Variants in C10orf67 observed in about 807,000 individuals in gnomAD.
C10orf67 encodes the protein uncharacterized protein C10orf67, mitochondrial.
A neutral mutation model predicts 35.6 loss-of-function variants in C10orf67; 60 were observed. The observed-to-expected ratio is 1.68, with a 90% CI of 1.37 to 2.09. C10orf67 has a LOEUF of 2.09. Among genes scored for constraint, C10orf67 ranks in the 30% most tolerant of loss-of-function variants. C10orf67 has a pLI of 0.00. For missense variants in C10orf67, 474 were observed against 330.2 expected (o/e 1.44, Z -3.38); for synonymous variants, 167 against 115.8 (o/e 1.44, Z -2.84).
chr10:23,288,983 A>G (rs892721982), intron 7 of C10orf67, among the ~76,000 whole-genome samples: 3 of 152,182 alleles, frequency 2.0e-5, no homozygotes, highest in Admixed American at 1.3e-4. Context: ...TGGAGCCTCC[A>G]GTAGGGCAGG....
chr10:23,314,514 A>G (rs1844622810), intron 4 of C10orf67, among the ~76,000 whole-genome samples: 1 of 151,632 alleles, frequency 6.6e-6, no homozygotes, highest in Non-Finnish European at 1.5e-5. Context: ...ACACACACAC[A>G]CACACACACA....
chr10:23,314,151 G>A (rs1451428885), intron 4 of C10orf67, among the ~76,000 whole-genome samples: 1 of 151,980 alleles, frequency 6.6e-6, no homozygotes, highest in African/African-American at 2.4e-5. Context: ...CGGTGCCACT[G>A]CACTCCAGCC....
At chr10:23,210,313 AAG>A (rs1425752571) in intron 15 of C10orf67, among the ~76,000 whole-genome samples, 1 of 152,148 alleles carries the variant, frequency 6.6e-6, no homozygotes, top group African/African-American at 2.4e-5. Flanking sequence ...ATGTTTATGG[AAG>A]AGAGTACTGG....
intron 1 of C10orf67, among the ~76,000 whole-genome samples, chr10:23,338,509 A>C (rs576234844): frequency 2.6e-5 from 4 of 152,106 alleles, no homozygotes; most frequent in Non-Finnish European, 2.9e-5. Context: ...CCCTGACTAT[A>C]CTGCACTGGC....
At chr10:23,289,866 AAG>A in intron 7 of C10orf67, 32 bp downstream of exon 7, 1 of 713,556 alleles carries the variant, frequency 1.4e-6, no homozygotes, top group African/African-American at 1.7e-5. Context: ...TTCCATTTAA[AAG>A]AGTCATTTAT....
rs150598444 is a variant in C10orf67 at position 23,280,318 on chromosome 10, G to C, written c.975+1695C>G. Among the ~76,000 whole-genome samples, 34 of 152,262 alleles carry C rather than the reference G, an allele frequency of 2.2e-4. 1 individual carries two copies. In the East Asian group the frequency reaches 3.1e-3, roughly 14 times the overall value. On this transcript the variant is annotated intron_variant, in intron 8 of 15. Transcript: ENST00000636213. ...TTTACATTTTTACAAAACGACTGTG[G>C]TCAACTCCACCTTCTCCCACTCTCC...
intron 13 of C10orf67, among the ~76,000 whole-genome samples, chr10:23,230,439 C>A (rs989124693): frequency 2.0e-5 from 3 of 151,460 alleles, no homozygotes; most frequent in African/African-American, 4.9e-5. Context: ...AATGTAAAGA[C>A]AAAAAGGAAA....
intron 4 of C10orf67, among the ~76,000 whole-genome samples, chr10:23,307,904 G>A (rs933036645): frequency 2.0e-5 from 3 of 152,032 alleles, no homozygotes; most frequent in Non-Finnish European, 4.4e-5. Flanking sequence ...CAGAGCCACC[G>A]CTCCTGGCCT....
intron 10 of C10orf67, among the ~76,000 whole-genome samples, chr10:23,265,951 G>A (rs1353955460): frequency 6.6e-6 from 1 of 152,218 alleles, no homozygotes; most frequent in Non-Finnish European, 1.5e-5. Context: ...GCAGTAATGA[G>A]TTTGAGACTG....
chr10:23,259,343 C>A (rs1246131216), intron 10 of C10orf67, among the ~76,000 whole-genome samples: 2 of 152,130 alleles, frequency 1.3e-5, no homozygotes, highest in Non-Finnish European at 2.9e-5. Context: ...GAGTTGATAA[C>A]CCTAGTGCTA....
In C10orf67 at chr10:23,300,390, G is replaced by A. The variant is rs143808563; in HGVS notation, c.702+2914C>T. Among the ~76,000 whole-genome samples, 425 of 152,056 alleles carry A rather than the reference G, an allele frequency of 2.8e-3. 3 individuals carry two copies. Among genetic ancestry groups the A allele is most frequent in the African/African-American group, 9.6e-3 (397 of 41,464 alleles). On this transcript the variant is annotated intron_variant, in intron 5 of 15. Coordinates refer to ENST00000636213, the MANE Select transcript of C10orf67 (RefSeq NM_001371909.1). Reference sequence around the variant, plus strand: ...TAAAGCGGTGGCCTTTTTTTATCCCGTTTGTCCCATTCCGCCTGCTCCTCC... The same window carrying A: ...TAAAGCGGTGGCCTTTTTTTATCCCATTTGTCCCATTCCGCCTGCTCCTCC...
chr10:23,233,684 G>A (rs562836748), intron 13 of C10orf67, among the ~76,000 whole-genome samples: 5 of 152,184 alleles, frequency 3.3e-5, no homozygotes, highest in Non-Finnish European at 7.3e-5. Flanking sequence ...AGACTAGAAG[G>A]AAGAGGGGAA....
At chr10:23,276,709 A>G (rs985016559) in intron 8 of C10orf67, among the ~76,000 whole-genome samples, 3 of 152,118 alleles carry the variant, frequency 2.0e-5, no homozygotes, top group Non-Finnish European at 4.4e-5. Flanking sequence ...ATACAACAGC[A>G]CAACACTAGA....
chr10:23,264,632 C>T (rs1333249876), intron 10 of C10orf67, among the ~76,000 whole-genome samples: 1 of 152,170 alleles, frequency 6.6e-6, no homozygotes, highest in Non-Finnish European at 1.5e-5. Context: ...TTTGGAAGCT[C>T]AGCTTCTATC....
chr10:23,339,915 G>T (rs1367854023), intron 1 of C10orf67, among the ~76,000 whole-genome samples: 10 of 152,138 alleles, frequency 6.6e-5, no homozygotes, highest in Admixed American at 4.6e-4. Flanking sequence ...TTTCTGTATA[G>T]TCTACACTGC....
chr10:23,319,556 G>A (rs1844865075), intron 4 of C10orf67, among the ~76,000 whole-genome samples: 1 of 152,190 alleles, frequency 6.6e-6, no homozygotes, highest in South Asian at 2.1e-4. Flanking sequence ...CGGTAGTTCT[G>A]TTTTAATTTC....
chr10:23,286,157 C>G (rs546404990), intron 7 of C10orf67, among the ~76,000 whole-genome samples: 1 of 151,408 alleles, frequency 6.6e-6, no homozygotes, highest in Middle Eastern at 3.4e-3. Context: ...TTTGGGAGGA[C>G]GAGGTGGGAG....
At chr10:23,340,018 C>T (rs1588716385) in intron 1 of C10orf67, among the ~76,000 whole-genome samples, 1 of 152,158 alleles carries the variant, frequency 6.6e-6, no homozygotes, top group Admixed American at 6.5e-5. Flanking sequence ...TTTTACTATT[C>T]AGCCACATTT....
At chr10:23,290,114 G>A (rs574514350) in intron 6 of C10orf67, among the ~76,000 whole-genome samples, 156 bp from the exon 7 acceptor site, 51 of 152,310 alleles carry the variant, frequency 3.3e-4, no homozygotes, top group African/African-American at 1.1e-3. Flanking sequence ...CTTGACATTC[G>A]CAGCCTTCTT....
Sources: gnomAD v4.1 joint callset for allele counts (sites outside exome capture counted in the v4.1 genomes callset) on GRCh38, gnomAD v4.1.1 for gene constraint, MANE v1.5 for transcripts, NCBI Gene and HGNC (gene_info 2026-07-23, HGNC 2026-07-21) for gene names.